The following DGKI variants were observed in gnomAD, a reference collection of about 807,000 sequenced individuals.
The protein encoded by DGKI is diacylglycerol kinase iota.
A neutral mutation model predicts 147.5 loss-of-function variants in DGKI; 55 were observed. That is an observed-to-expected ratio of 0.37 (90% CI 0.30 to 0.47). The LOEUF is 0.47. Ranked by LOEUF, DGKI falls within the 20% of genes least tolerant of loss-of-function variation. DGKI has a pLI of 1.00. For missense variants in DGKI, 1,007 were observed against 1,323.8 expected (o/e 0.76, Z 3.71); for synonymous variants, 469 against 477.1 (o/e 0.98, Z 0.22).
chr7:137,802,228 A>C (rs1404433109), intron 1 of DGKI, among the ~76,000 whole-genome samples: 1 of 152,100 alleles, frequency 6.6e-6, no homozygotes, highest in Non-Finnish European at 1.5e-5. Flanking sequence ...AACTTTGGGG[A>C]CTCAGAGGGA....
intron 21 of DGKI, among the ~76,000 whole-genome samples, chr7:137,513,278 C>A (rs1816638504): frequency 6.6e-6 from 1 of 152,178 alleles, no homozygotes; most frequent in Non-Finnish European, 1.5e-5. Flanking sequence ...GCCCCACATT[C>A]CTGCCCACAA....
intron 2 of DGKI, among the ~76,000 whole-genome samples, chr7:137,688,183 T>G (rs940637076): frequency 6.6e-6 from 1 of 152,210 alleles, no homozygotes; most frequent in Admixed American, 6.5e-5. Context: ...TGTATTTTCG[T>G]GTTGATTTCC....
chr7:137,546,317 G>A (rs1488305269), intron 20 of DGKI, among the ~76,000 whole-genome samples: 1 of 152,054 alleles, frequency 6.6e-6, no homozygotes, highest in Non-Finnish European at 1.5e-5. Context: ...AGGAGAGAAG[G>A]CACACACTTA....
At chr7:137,690,066 G>A in intron 1 of DGKI, 64 bp from the exon 2 acceptor site, 2 of 1,281,806 alleles carry the variant, frequency 1.6e-6, no homozygotes, top group Non-Finnish European at 2.1e-6. Flanking sequence ...CTCATACAGA[G>A]CTCAAAATTT....
chr7:137,696,803 G>T, intron 1 of DGKI, among the ~76,000 whole-genome samples: 1 of 152,112 alleles, frequency 6.6e-6, no homozygotes, highest in East Asian at 1.9e-4. Flanking sequence ...TAGTACCTCA[G>T]AAGGTAACCG....
chr7:137,535,596 A>G (rs1232771541), intron 20 of DGKI, among the ~76,000 whole-genome samples: 1 of 152,114 alleles, frequency 6.6e-6, no homozygotes, highest in Admixed American at 6.6e-5. Flanking sequence ...CACTCAAGGC[A>G]ACAAAACCCG....
At chr7:137,477,960 T>G (rs1815234017) in intron 23 of DGKI, among the ~76,000 whole-genome samples, 1 of 152,224 alleles carries the variant, frequency 6.6e-6, no homozygotes, top group Non-Finnish European at 1.5e-5. Flanking sequence ...TGCGCCCAGC[T>G]ACATTTGTAT....
chr7:137,609,638 T>C, intron 8 of DGKI, 29 bp from the exon 9 acceptor site: 1 of 1,571,438 alleles, frequency 6.4e-7, no homozygotes, highest in South Asian at 1.1e-5. Context: ...ATGCCTGAGC[T>C]CAGAGGCAGC....
intron 3 of DGKI, among the ~76,000 whole-genome samples, chr7:137,669,084 A>G (rs1163197791): frequency 6.6e-6 from 1 of 152,238 alleles, no homozygotes; most frequent in Non-Finnish European, 1.5e-5. Context: ...CCAGTGTCAC[A>G]CAACTCAAAG....
chr7:137,590,784 G>A (rs975761395), intron 12 of DGKI, among the ~76,000 whole-genome samples: 14 of 152,076 alleles, frequency 9.2e-5, no homozygotes, highest in African/African-American at 2.4e-4. Flanking sequence ...CGTCTACCTC[G>A]TGGGCTCAAG....
At chr7:137,788,372 C>G (rs1335821463) in intron 1 of DGKI, among the ~76,000 whole-genome samples, 1 of 152,080 alleles carries the variant, frequency 6.6e-6, no homozygotes, top group South Asian at 2.1e-4. Flanking sequence ...CATCTTCCCC[C>G]TTCCCTTCCC....
chr7:137,685,953 A>C (rs2116433401), intron 2 of DGKI, among the ~76,000 whole-genome samples: 1 of 152,258 alleles, frequency 6.6e-6, no homozygotes, highest in East Asian at 1.9e-4. Context: ...CCAGCGAAAT[A>C]TCCCCTTCTC....
intron 1 of DGKI, among the ~76,000 whole-genome samples, chr7:137,804,130 T>C (rs1277295195): frequency 6.6e-6 from 1 of 152,186 alleles, no homozygotes; most frequent in African/African-American, 2.4e-5. Flanking sequence ...ATGCCTGGCA[T>C]AGAGCAGGAG....
At chr7:137,841,391 C>A (rs1307136385) in intron 1 of DGKI, among the ~76,000 whole-genome samples, 1 of 152,104 alleles carries the variant, frequency 6.6e-6, no homozygotes, top group African/African-American at 2.4e-5. Flanking sequence ...GCATTTTGAG[C>A]AAATTAAATT....
intron 1 of DGKI, among the ~76,000 whole-genome samples, chr7:137,768,053 T>A (rs1489918041): frequency 6.6e-6 from 1 of 152,112 alleles, no homozygotes; most frequent in African/African-American, 2.4e-5. Flanking sequence ...AATCTGATCA[T>A]GAGTCTAACC....
At chr7:137,636,623 T>C (rs1821321424) in intron 6 of DGKI, among the ~76,000 whole-genome samples, 1 of 152,210 alleles carries the variant, frequency 6.6e-6, no homozygotes, top group Non-Finnish European at 1.5e-5. Flanking sequence ...GGAATTGCCC[T>C]GAGCCTAAAA....
rs548830681 is a variant in DGKI, at chr7:137,662,777, T to C, written c.607-6237A>G. Among the ~76,000 whole-genome samples, 63 of 152,290 alleles carry C rather than the reference T, an allele frequency of 4.1e-4. No homozygotes were observed. In the South Asian group the frequency reaches 5.2e-3, roughly 13 times the overall value. On this transcript the variant is annotated intron_variant, in intron 3 of 32. Transcript: ENST00000614521. ...ATGTTGGAGGGCAGGCCTTCATTTG[T>C]AAAGACTCCATGTGTTTGTGCAATG...
At chr7:137,760,977 G>C (rs192962562) in intron 1 of DGKI, among the ~76,000 whole-genome samples, 12 of 152,180 alleles carry the variant, frequency 7.9e-5, no homozygotes, top group Non-Finnish European at 2.9e-5. Flanking sequence ...TTCCTCTCTT[G>C]AATCTTAAAC....
At chr7:137,835,898 T>C (rs1283188727) in intron 1 of DGKI, among the ~76,000 whole-genome samples, 2 of 152,214 alleles carry the variant, frequency 1.3e-5, no homozygotes, top group Non-Finnish European at 2.9e-5. Flanking sequence ...CCTGGCAATG[T>C]CCCTTATGGC....
Sources: allele counts gnomAD v4.1 joint callset (sites outside exome capture counted in the v4.1 genomes callset), GRCh38; gene constraint gnomAD v4.1.1; transcripts MANE v1.5; gene names NCBI Gene and HGNC (gene_info 2026-07-23, HGNC 2026-07-21).